MAP4: variants seen among roughly 807,000 people sequenced by gnomAD.
MAP4 encodes the protein microtubule associated protein 4.
A neutral mutation model predicts 170.2 loss-of-function variants in MAP4; 76 were observed. The observed-to-expected ratio is 0.45, with a 90% CI of 0.37 to 0.54. The LOEUF is 0.54. Ranked by LOEUF, MAP4 falls within the 20% of genes least tolerant of loss-of-function variation. The pLI, the probability that MAP4 is intolerant of heterozygous loss-of-function variation, is 0.00. For synonymous variants in MAP4, 909 were observed against 994.5 expected (o/e 0.91, Z 1.62); for missense variants, 2,506 against 2,748.0 (o/e 0.91, Z 1.97).
chr3:48,009,772 C>A (rs866095666), intron 1 of MAP4, among the ~76,000 whole-genome samples: 3 of 152,246 alleles, frequency 2.0e-5, no homozygotes, highest in South Asian at 4.2e-4. Context: ...CCCTAGTGAT[C>A]CACTAGCAAA....
chr3:48,050,741 C>T (rs2100127305), intron 1 of MAP4, among the ~76,000 whole-genome samples: 1 of 151,770 alleles, frequency 6.6e-6, no homozygotes, highest in South Asian at 2.1e-4. Context: ...TCCATCTCTA[C>T]TGAAACTACA....
chr3:47,916,715 C>A lies in MAP4; in HGVS notation c.1112G>T (p.Gly371Val), dbSNP rs1157297501. 6.2e-7 allele frequency: 1 copy of A among 1,613,950 alleles called. No individual in the cohort carries two copies. ...TTCTTTCTTGTTTTCTTTGGGTGGT[C>A]CCATGTCCTTGGAAGGGGCTAAGTC... ...KMDLAPSKDMGPPKENKKETE... is the reference protein window; with the variant it reads ...KMDLAPSKDMVPPKENKKETE... The change falls in exon 7 of 21, where the codon GGA becomes GTA. Residue 371 changes from glycine (G) to valine (V), a missense_variant. Physicochemically the swap from Gly to Val is moderately radical, Grantham distance 109 (BLOSUM62 -3). Transcript: ENST00000683076.
Position 47,953,478 on chromosome 3 carries a change from C to T in MAP4, c.292+24387G>A, listed in dbSNP as rs775373732. The stretch of plus-strand genomic sequence containing the variant: ...TCGAAATTACAGTGAGCTATGATCA[C>T]GCCACTGCACTCCAGCCTGAGTGAC... On this transcript the variant is annotated intron_variant, in intron 3 of 20. Transcript: ENST00000683076. Among the ~76,000 whole-genome samples the T allele has an allele frequency of 5.6e-4, 85 of 152,074 alleles. 1 individual carries two copies. The highest frequency in any genetic ancestry group is 1.8e-3 in the African/African-American group (76 of 41,414).
chr3:48,036,383 A>C (rs2100118723), intron 1 of MAP4, among the ~76,000 whole-genome samples: 1 of 152,190 alleles, frequency 6.6e-6, no homozygotes, highest in African/African-American at 2.4e-5. Flanking sequence ...CTCAAATGTA[A>C]CACGTGAAAC....
chr3:47,935,554 CGAA>C (rs1191601539), intron 3 of MAP4, among the ~76,000 whole-genome samples: 2 of 151,938 alleles, frequency 1.3e-5, no homozygotes, highest in Non-Finnish European at 2.9e-5. Context: ...CTTTCCCCAC[CGAA>C]GAAGTAGACT....
intron 3 of MAP4, among the ~76,000 whole-genome samples, chr3:47,949,570 G>C (rs983769005): frequency 6.6e-6 from 1 of 151,894 alleles, no homozygotes; most frequent in South Asian, 2.1e-4. Flanking sequence ...GAGTGGGGTA[G>C]GTATCCTGCT....
At position 48,074,477 on chromosome 3, in the gene MAP4, T is replaced by G. The variant is rs1579824912; in HGVS notation, c.-20+14296A>C. Among the ~76,000 whole-genome samples the G allele has an allele frequency of 2.1e-5, 3 of 143,848 alleles. 1 individual carries two copies. The East Asian group carries it at 6.2e-4, about 30-fold the overall frequency. 94.4% of individuals were successfully genotyped at this position (143,848 alleles called of 152,430 possible). A position where few individuals can be genotyped will look rare whatever the true frequency, so the allele number is the denominator to read the frequency against. On this transcript the variant is annotated intron_variant, in intron 1 of 18. Coordinates refer to the MAP4 transcript ENST00000360240. The stretch of plus-strand genomic sequence containing the variant: ...GTATAATAATAAAAGAAAAAAAAAC[T>G]ACAAAATACATTATATATATATATA...
At chr3:47,872,905 T>C (rs1261330628) in intron 12 of MAP4, among the ~76,000 whole-genome samples, 2 of 152,256 alleles carry the variant, frequency 1.3e-5, no homozygotes, top group Non-Finnish European at 2.9e-5. Context: ...AGCCATTCTT[T>C]TGGCTAACAC....
intron 1 of MAP4, among the ~76,000 whole-genome samples, chr3:48,055,340 G>C (rs556866441): frequency 2.6e-5 from 4 of 152,120 alleles, no homozygotes; most frequent in South Asian, 2.1e-4. Context: ...TCAGTCTGCC[G>C]AATGCCTGCG....
intron 3 of MAP4, 30 bp from the exon 4 acceptor site, chr3:47,928,380 C>G (rs1348234130): frequency 9.3e-6 from 15 of 1,611,376 alleles, no homozygotes; most frequent in Non-Finnish European, 1.3e-5. Context: ...ACAAAAGTTA[C>G]AAGATATTAC....
intron 10 of MAP4, among the ~76,000 whole-genome samples, chr3:47,898,855 CT>C (rs2100028479): frequency 1.3e-5 from 2 of 151,910 alleles, no homozygotes; most frequent in African/African-American, 4.8e-5. Flanking sequence ...ACTTGGGAGG[CT>C]GAAGAAGGAG....
chr3:48,006,231 C>CCA (rs3079347), intron 1 of MAP4, among the ~76,000 whole-genome samples: 50,570 of 151,860 alleles, frequency 0.33, 8,713 homozygotes, highest in East Asian at 0.43. Context: ...GGCCAGGTAC[C>CCA]CTTGAGAAAG....
At position 47,851,948 on chromosome 3, in the gene MAP4, G is replaced by A. The variant is rs2043007389; in HGVS notation, c.*986C>T. On this transcript the variant is annotated 3_prime_UTR_variant, in exon 21 of 21. Transcript: ENST00000683076. Reference sequence around the variant, plus strand: ...CTGACCACCAGATCCCAGGGAATGGGACAGAGATGCCAAAACCAGCCTCTT... The same window carrying A: ...CTGACCACCAGATCCCAGGGAATGGAACAGAGATGCCAAAACCAGCCTCTT... The A allele has an allele frequency of 6.6e-6, 1 of 152,230 alleles. No individual in the cohort carries two copies. 9.4% of individuals were successfully genotyped at this position (152,230 alleles called of 1,614,324 possible).
At chr3:47,955,438 A>G (rs1386786210) in intron 3 of MAP4, among the ~76,000 whole-genome samples, 4,045 of 15,154 alleles carry the variant, frequency 0.27, 161 homozygotes, top group African/African-American at 0.32. Context: ...AAGCACGTAC[A>G]CACACACACA....
chr3:47,935,235 A>T (rs2100052047), intron 3 of MAP4, among the ~76,000 whole-genome samples: 1 of 152,156 alleles, frequency 6.6e-6, no homozygotes, highest in Non-Finnish European at 1.5e-5. Flanking sequence ...CCTGTAGGAG[A>T]CTAGAACTTA....
intron 11 of MAP4, 126 bp from the exon 12 acceptor site, chr3:47,876,026 G>A: frequency 1.5e-6 from 1 of 656,118 alleles, no homozygotes; most frequent in East Asian, 3.0e-5. Flanking sequence ...TAAGCAATGA[G>A]GATAGATGCA....
At chr3:48,009,882 T>G (rs1474868644) in intron 1 of MAP4, among the ~76,000 whole-genome samples, 1 of 152,166 alleles carries the variant, frequency 6.6e-6, no homozygotes, top group Non-Finnish European at 1.5e-5. Flanking sequence ...AATGATTCCA[T>G]TAAACTGGAA....
At chr3:47,908,581 T>C (rs1577405263) in intron 9 of MAP4, among the ~76,000 whole-genome samples, 1 of 152,148 alleles carries the variant, frequency 6.6e-6, no homozygotes, top group South Asian at 2.1e-4. Context: ...GGATATTTAG[T>C]CCCACCAGCA....
chr3:47,862,448 T>A (rs2450474), intron 17 of MAP4, among the ~76,000 whole-genome samples: 1 of 149,658 alleles, frequency 6.7e-6, no homozygotes, highest in African/African-American at 2.5e-5. Flanking sequence ...ATCTTATTAG[T>A]GTTACTATTT....
Sources: gnomAD v4.1 joint callset for allele counts (sites outside exome capture counted in the v4.1 genomes callset) on GRCh38, gnomAD v4.1.1 for gene constraint, MANE v1.5 for transcripts, NCBI Gene and HGNC (gene_info 2026-07-23, HGNC 2026-07-21) for gene names.